PRKN: variants seen among roughly 807,000 people sequenced by gnomAD.
The protein encoded by PRKN is E3 ubiquitin-protein ligase parkin.
In PRKN, 56 loss-of-function variants were observed where a neutral mutation model predicts 59.5. The ratio of observed to expected loss-of-function variants is 0.94; its 90% CI spans 0.76 to 1.18. PRKN has a LOEUF of 1.18. PRKN is among the 50% of genes most tolerant of loss of function. PRKN has a pLI of 0.00. For missense variants in PRKN, 657 were observed against 596.4 expected (o/e 1.10, Z -1.06); for synonymous variants, 250 against 222.1 (o/e 1.13, Z -1.12).
chr6:162,217,979 G>A (rs2128078897), intron 3 of PRKN, among the ~76,000 whole-genome samples: 1 of 152,280 alleles, frequency 6.6e-6, no homozygotes, highest in South Asian at 2.1e-4. Context: ...AAAAGAAACA[G>A]GTGGTTTAGG....
At chr6:162,114,231 T>C (rs563411470) in intron 4 of PRKN, among the ~76,000 whole-genome samples, 6 of 151,714 alleles carry the variant, frequency 4.0e-5, no homozygotes, top group Admixed American at 2.0e-4. Context: ...CTTTAAAGTA[T>C]TGTTTTCCAA....
At chr6:162,320,384 ACCAAGCATTTTAAGATCAAACAAGC>A (rs370725050) in intron 2 of PRKN, among the ~76,000 whole-genome samples, 80 of 108,736 alleles carry the variant, frequency 7.4e-4, no homozygotes, top group East Asian at 1.7e-3. Flanking sequence ...AAAAAAAAAA[ACCAAGCATTTTAAGATCAAACAAGC>A]AAAAAAAACC....
At chr6:162,548,923 G>C (rs899947153) in intron 1 of PRKN, among the ~76,000 whole-genome samples, 10 of 152,144 alleles carry the variant, frequency 6.6e-5, no homozygotes, top group African/African-American at 2.4e-4. Flanking sequence ...AAGGTAAAGG[G>C]TATCCTCCAC....
chr6:162,052,870 T>C (rs1292965213), intron 5 of PRKN, among the ~76,000 whole-genome samples: 1 of 152,146 alleles, frequency 6.6e-6, no homozygotes, highest in Non-Finnish European at 1.5e-5. Context: ...CATATGTATA[T>C]ATGGAAACAT....
At chr6:162,364,146 C>A (rs1425080274) in intron 2 of PRKN, among the ~76,000 whole-genome samples, 1 of 151,202 alleles carries the variant, frequency 6.6e-6, no homozygotes, top group Non-Finnish European at 1.5e-5. Flanking sequence ...AAATCAAACC[C>A]CAGACTTGAT....
intron 5 of PRKN, among the ~76,000 whole-genome samples, chr6:161,996,372 A>C (rs1449459949): frequency 1.3e-5 from 2 of 152,192 alleles, no homozygotes; most frequent in African/African-American, 2.4e-5. Context: ...AACTGACCCA[A>C]ATAAAAGGTT....
chr6:162,437,071 G>A (rs1381902090), intron 2 of PRKN, among the ~76,000 whole-genome samples: 3 of 149,558 alleles, frequency 2.0e-5, no homozygotes, highest in Non-Finnish European at 4.4e-5. Flanking sequence ...CAGCCTGGGC[G>A]ACAGAGCGAG....
intron 7 of PRKN, among the ~76,000 whole-genome samples, chr6:161,780,396 C>T (rs1210452649): frequency 6.6e-6 from 1 of 152,082 alleles, no homozygotes; most frequent in Admixed American, 6.6e-5. Context: ...CCATCTCATA[C>T]CCTAGCCTGT....
chr6:161,671,047 T>C (rs1279997527), intron 7 of PRKN, among the ~76,000 whole-genome samples: 1 of 152,178 alleles, frequency 6.6e-6, no homozygotes, highest in Non-Finnish European at 1.5e-5. Flanking sequence ...TGTTTGTTTT[T>C]TTCCCTCAAG....
chr6:161,941,137 C>T (rs137881571), intron 6 of PRKN, among the ~76,000 whole-genome samples: 1 of 152,290 alleles, frequency 6.6e-6, no homozygotes, highest in Non-Finnish European at 1.5e-5. Context: ...GCCCAGGGAC[C>T]TAGGTGTGGA....
intron 6 of PRKN, among the ~76,000 whole-genome samples, chr6:161,869,135 T>C (rs1342955887): frequency 6.6e-6 from 1 of 152,132 alleles, no homozygotes; most frequent in African/African-American, 2.4e-5. Context: ...TCCCAGCACT[T>C]TGGGAGGCCG....
intron 6 of PRKN, among the ~76,000 whole-genome samples, chr6:161,968,187 ATTTTTTTTTTTT>A (rs530441181): frequency 3.1e-5 from 4 of 128,000 alleles, no homozygotes; most frequent in South Asian, 2.6e-4. Context: ...TGCCTGGCTA[ATTTTTTTTTTTT>A]TTTTTTTTTT....
At chr6:162,597,561 T>C (rs1436594063) in intron 1 of PRKN, among the ~76,000 whole-genome samples, 4 of 152,266 alleles carry the variant, frequency 2.6e-5, no homozygotes, top group Non-Finnish European at 4.4e-5. Flanking sequence ...TGAATTTTGC[T>C]TGTAATACAG....
intron 5 of PRKN, among the ~76,000 whole-genome samples, chr6:162,014,030 C>G (rs1236749984): frequency 6.6e-6 from 1 of 152,078 alleles, no homozygotes; most frequent in Non-Finnish European, 1.5e-5. Context: ...CAAAAAGATT[C>G]AGAGAAGGGT....
chr6:162,688,627 T>C (rs187501181), intron 1 of PRKN, among the ~76,000 whole-genome samples: 13 of 152,314 alleles, frequency 8.5e-5, no homozygotes, highest in African/African-American at 3.1e-4. Context: ...CATCTCCTTG[T>C]GTAGCACAGC....
At chr6:162,332,376 C>T (rs373875584) in intron 2 of PRKN, among the ~76,000 whole-genome samples, 4 of 152,318 alleles carry the variant, frequency 2.6e-5, no homozygotes, top group African/African-American at 7.2e-5. Flanking sequence ...ACCTGGCCTG[C>T]GCCCCTCTCT....
intron 2 of PRKN, among the ~76,000 whole-genome samples, chr6:162,284,357 T>C (rs1023026298): frequency 6.6e-6 from 1 of 151,686 alleles, no homozygotes; most frequent in Non-Finnish European, 1.5e-5. Context: ...CCCAAGTAGC[T>C]GGGATTACAG....
chr6:161,918,198 G>A (rs948527437), intron 6 of PRKN, among the ~76,000 whole-genome samples: 1 of 152,070 alleles, frequency 6.6e-6, no homozygotes, highest in Non-Finnish European at 1.5e-5. Context: ...TGGGCTCATG[G>A]GTAATCAATT....
At chr6:161,493,653 T>C (rs946306222) in intron 9 of PRKN, among the ~76,000 whole-genome samples, 1 of 152,146 alleles carries the variant, frequency 6.6e-6, no homozygotes, top group Non-Finnish European at 1.5e-5. Context: ...AAAGGGCCGA[T>C]GAGGGAGGGA....
Sources: allele counts gnomAD v4.1 joint callset (sites outside exome capture counted in the v4.1 genomes callset), GRCh38; gene constraint gnomAD v4.1.1; transcripts MANE v1.5; gene names NCBI Gene and HGNC (gene_info 2026-07-23, HGNC 2026-07-21).